CCPG1: variants seen among roughly 807,000 people sequenced by gnomAD.
CCPG1 encodes cell cycle progression protein 1.
CCPG1 carries 46 observed loss-of-function variants against 81.3 expected under a neutral mutation model. The observed-to-expected ratio is 0.57, with a 90% CI of 0.45 to 0.72. CCPG1 has a LOEUF of 0.72. CCPG1 is among the 30% of genes least tolerant of loss of function. The pLI is 0.00. For missense variants in CCPG1, 902 were observed against 937.6 expected (o/e 0.96, Z 0.50); for synonymous variants, 330 against 305.2 (o/e 1.08, Z -0.85).
intron 3 of CCPG1, among the ~76,000 whole-genome samples, chr15:55,381,929 T>G (rs1394507096): frequency 6.6e-6 from 1 of 152,250 alleles, no homozygotes; most frequent in Non-Finnish European, 1.5e-5. Flanking sequence ...TTGGTTTCCC[T>G]GTCCATGTAA....
chr15:55,366,767 C>T (rs142102720), intron 6 of CCPG1, among the ~76,000 whole-genome samples: 2 of 152,016 alleles, frequency 1.3e-5, no homozygotes, highest in Non-Finnish European at 2.9e-5. Flanking sequence ...AGCGAAACTC[C>T]GTCTCAAAAA....
At chr15:55,361,147 T>C (rs1005989041) in intron 7 of CCPG1, among the ~76,000 whole-genome samples, 12 of 151,838 alleles carry the variant, frequency 7.9e-5, no homozygotes, top group African/African-American at 2.2e-4. Flanking sequence ...CTACATCAAA[T>C]TGAGAACTAC....
At position 55,356,322 on chromosome 15, in the gene CCPG1, A is replaced by G. The variant is rs561068055; in HGVS notation, c.2322T>C (p.Tyr774=). ...QEQKHLQPQP[Y]KREGKWHKYG... ...ATTTATGCCATTTACCTTCCCTTTT[A>G]TAAGGCTGTGGCTGAAGGTGCTTCT... The change falls in exon 9 of 9, where the codon TAT becomes TAC. Residue 774 remains tyrosine, a synonymous_variant. Coordinates refer to ENST00000442196, the MANE Select transcript of CCPG1 (RefSeq NM_001204450.2). 2.0e-6 allele frequency: 3 copies of G among 1,535,682 alleles called. No homozygotes were observed. The highest frequency in any genetic ancestry group is 2.6e-6 in the Non-Finnish European group (3 of 1,146,756).
chr15:55,360,028 T>C lies in CCPG1; in HGVS notation c.1745A>G (p.His582Arg). ...ATTTTGCATAGTAGGGCCTCTATTATGATGGTTTTCTGTAGGTGCCTTATA... is the reference window on the plus strand; with the variant it reads ...ATTTTGCATAGTAGGGCCTCTATTACGATGGTTTTCTGTAGGTGCCTTATA... ...PQYKAPTENH[H>R]NRGPTMQNDG... The change falls in exon 8 of 9, where the codon CAT (histidine) becomes CGT (arginine). Residue 582 changes from histidine (H) to arginine (R), a missense_variant. By Grantham distance (29) the His-to-Arg change is conservative. Coordinates refer to ENST00000442196, the MANE Select transcript of CCPG1 (RefSeq NM_001204450.2). 1 of 1,613,650 alleles carries C rather than the reference T, an allele frequency of 6.2e-7. No homozygotes were observed. Among genetic ancestry groups the C allele is most frequent in the South Asian group, 1.1e-5 (1 of 91,012 alleles).
In CCPG1 at chr15:55,359,790, T is replaced by C. The variant is rs2056153030; in HGVS notation, c.1983A>G (p.Gln661=). The change falls in exon 8 of 9, where the codon CAA becomes CAG. Residue 661 remains glutamine, a synonymous_variant. Coordinates refer to ENST00000442196, the MANE Select transcript of CCPG1 (RefSeq NM_001204450.2). The part of the protein sequence containing the change: ...IRMDEFRQII[Q]RYMLKELDTF... ...TATCCAGTTCTTTTAACATGTACCT[T>C]TGAATTATCTGTCTAAATTCATCCA... 1 of 1,613,288 alleles carries C rather than the reference T, an allele frequency of 6.2e-7. No individual in the cohort carries two copies. The highest frequency in any genetic ancestry group is 8.5e-7 in the Non-Finnish European group (1 of 1,179,838).
chr15:55,404,830 G>C (rs1022010732), intron 1 of CCPG1, among the ~76,000 whole-genome samples: 1 of 152,102 alleles, frequency 6.6e-6, no homozygotes, highest in Non-Finnish European at 1.5e-5. Flanking sequence ...CCAGCACTTC[G>C]GGAGGCCCAG....
chr15:55,363,059 A>AC (rs2056237867), intron 7 of CCPG1, among the ~76,000 whole-genome samples: 2 of 150,108 alleles, frequency 1.3e-5, no homozygotes, highest in Non-Finnish European at 3.0e-5. Context: ...CAAAAACAAA[A>AC]AAAACAGGCC....
chr15:55,405,384 T>C (rs761098252), intron 1 of CCPG1, among the ~76,000 whole-genome samples: 1 of 151,646 alleles, frequency 6.6e-6, no homozygotes. Flanking sequence ...TAGTGGGGCA[T>C]GGTGTCACAT....
At chr15:55,389,187 T>C (rs1393113243) in intron 2 of CCPG1, among the ~76,000 whole-genome samples, 178 bp downstream of exon 2, 1 of 151,572 alleles carries the variant, frequency 6.6e-6, no homozygotes, top group Non-Finnish European at 1.5e-5. Flanking sequence ...TGTACAATAA[T>C]GTAGAAGATG....
chr15:55,373,103 G>A (rs887104080), intron 5 of CCPG1: 20 of 472,050 alleles, frequency 4.2e-5, no homozygotes, highest in African/African-American at 3.5e-4. Context: ...ACAAACTAGT[G>A]GGGAAAATTT....
At chr15:55,401,090 T>G (rs1483403672) in intron 1 of CCPG1, among the ~76,000 whole-genome samples, 1 of 152,250 alleles carries the variant, frequency 6.6e-6, no homozygotes, top group Non-Finnish European at 1.5e-5. Context: ...TCCACAGTTT[T>G]TGGCTTTTAC....
rs61331208 is a variant in CCPG1, at chr15:55,400,203, C to CAAAAAAAA, written c.-10+8010_-10+8017dup. Among the ~76,000 whole-genome samples, 16 of 32,952 alleles carry CAAAAAAAA rather than the reference C, an allele frequency of 4.9e-4. 4 individuals are homozygous for CAAAAAAAA. The highest frequency in any genetic ancestry group is 2.6e-3 in the African/African-American group (16 of 6,242). 21.6% of individuals were successfully genotyped at this position (32,952 alleles called of 152,430 possible). On this transcript the variant is annotated intron_variant, in intron 1 of 8. Coordinates refer to ENST00000442196, the MANE Select transcript of CCPG1 (RefSeq NM_001204450.2). ...CCAGCCTGGACAAGATACTCTACCT[C>CAAAAAAAA]AAAAAAAAAAAAAAAAAAAAAAAAA...
Position 55,407,939 on chromosome 15 carries a change from T to C in CCPG1, c.-10+282A>G, listed in dbSNP as rs114599238. ...GCCCAGGCCGTCAGCTCTCCCACCC[T>C]TGGCGCGCAGTTCGGTATAGCACTC... On this transcript the variant is annotated intron_variant, in intron 1 of 8. Coordinates refer to ENST00000442196, the MANE Select transcript of CCPG1 (RefSeq NM_001204450.2). The C allele has an allele frequency of 9.8e-3, 1,503 of 152,800 alleles. 20 individuals are homozygous for C. Among genetic ancestry groups the C allele is most frequent in the African/African-American group, 0.034 (1,423 of 41,582 alleles). 9.5% of individuals were successfully genotyped at this position (152,800 alleles called of 1,614,324 possible).
At position 55,360,263 on chromosome 15, in the gene CCPG1, C is replaced by T. The variant is rs1298218045; in HGVS notation, c.1510G>A (p.Val504Ile). Residue 504 changes from valine (V) to isoleucine (I), a missense_variant, in exon 8 of 9, where the codon GTA becomes ATA. By Grantham distance (29) the Val-to-Ile change is conservative. This residue lies in a region of CCPG1 where 746 missense variants were observed against 728.6 expected (regional missense o/e 1.02). Transcript: ENST00000442196. ...DAMKNSTKEF[V>I]RHHKEKIKQA... ...TTAATTTTCTCTTTATGATGCCTTA[C>T]AAACTCCTTGGTAGAATTCTTCATG... 1.2e-6 allele frequency: 2 copies of T among 1,613,866 alleles called. No homozygotes were observed. The highest frequency in any genetic ancestry group is 1.7e-5 in the Admixed American group (1 of 59,972).
At chr15:55,371,735 C>CT in intron 6 of CCPG1, 58 bp downstream of exon 6, 2 of 1,539,014 alleles carry the variant, frequency 1.3e-6, no homozygotes. Context: ...AGTCCTCACT[C>CT]TTAAGTTCCT....
At chr15:55,375,584 T>G (rs2056548435) in intron 5 of CCPG1, among the ~76,000 whole-genome samples, 1 of 152,170 alleles carries the variant, frequency 6.6e-6, no homozygotes, top group Non-Finnish European at 1.5e-5. Flanking sequence ...ACATGAATAT[T>G]CAAATAGCTG....
At chr15:55,377,194 T>C (rs6493781) in intron 4 of CCPG1, 44 bp from the exon 5 acceptor site, 144,970 of 1,368,740 alleles carry the variant, frequency 0.11, 11,994 homozygotes, top group African/African-American at 0.43. Flanking sequence ...AACAATCATT[T>C]AAGGGTCTTA....
chr15:55,364,309 A>G (rs2141250762), intron 7 of CCPG1, among the ~76,000 whole-genome samples: 1 of 149,806 alleles, frequency 6.7e-6, no homozygotes, highest in East Asian at 2.0e-4. Context: ...CCATCAGAAT[A>G]AAAAAAAACA....
At chr15:55,387,874 G>A (rs1457555230) in intron 2 of CCPG1, among the ~76,000 whole-genome samples, 3 of 146,192 alleles carry the variant, frequency 2.1e-5, no homozygotes, top group Non-Finnish European at 3.0e-5. Context: ...ACAAGTGGCC[G>A]GGCACGGTGG....
Sources: gnomAD v4.1 joint callset for allele counts (sites outside exome capture counted in the v4.1 genomes callset) on GRCh38, gnomAD v4.1.1 for gene constraint, gnomAD v4.1.1 regional missense constraint, MANE v1.5 for transcripts, NCBI Gene and HGNC (gene_info 2026-07-23, HGNC 2026-07-21) for gene names.